The following FHIT variants were observed in gnomAD, a reference collection of about 807,000 sequenced individuals.
FHIT encodes the protein bis(5'-adenosyl)-triphosphatase.
Under a neutral mutation model 17.9 loss-of-function variants are expected in FHIT, and 19 were observed. That is an observed-to-expected ratio of 1.06 (90% CI 0.74 to 1.56). The LOEUF is 1.56. Among genes scored for constraint, FHIT ranks in the 40% most tolerant of loss-of-function variants. The pLI is 0.00. For synonymous variants in FHIT, 81 were observed against 69.7 expected, an observed-to-expected ratio of 1.16 and a Z score of -0.81; for missense variants, 248 against 189.2, an observed-to-expected ratio of 1.31 and a Z score of -1.82.
At chr3:60,648,987 G>A (rs552641100) in intron 4 of FHIT, among the ~76,000 whole-genome samples, 12 of 152,288 alleles carry the variant, frequency 7.9e-5, no homozygotes, top group African/African-American at 2.9e-4. Flanking sequence ...GTTTATGTAA[G>A]TATATATACC....
At chr3:60,082,011 G>C (rs958400150) in intron 5 of FHIT, among the ~76,000 whole-genome samples, 2 of 151,936 alleles carry the variant, frequency 1.3e-5, no homozygotes, top group Non-Finnish European at 2.9e-5. Flanking sequence ...TGCACATGTG[G>C]GTTTGTTCCA....
chr3:61,238,402 C>T (rs975059266), intron 1 of FHIT, among the ~76,000 whole-genome samples: 1 of 152,308 alleles, frequency 6.6e-6, no homozygotes, highest in Admixed American at 6.5e-5. Context: ...ATCACTCACC[C>T]TGCATAAGGA....
chr3:60,740,466 A>G (rs2042219472), intron 4 of FHIT, among the ~76,000 whole-genome samples: 1 of 152,228 alleles, frequency 6.6e-6, no homozygotes, highest in South Asian at 2.1e-4. Flanking sequence ...CAAAAATTGT[A>G]AGAACAATAG....
At chr3:61,124,126 C>A (rs922520542) in intron 2 of FHIT, among the ~76,000 whole-genome samples, 1 of 152,142 alleles carries the variant, frequency 6.6e-6, no homozygotes, top group Non-Finnish European at 1.5e-5. Context: ...GGCACACAGA[C>A]ATAACAAGTC....
intron 5 of FHIT, 138 bp from the exon 6 acceptor site, chr3:60,014,290 A>C (rs1575887527): frequency 5.3e-6 from 4 of 757,206 alleles, no homozygotes. Context: ...ACAGATATTT[A>C]CCATCCACTG....
At chr3:60,957,394 CACCT>C (rs780589682) in intron 3 of FHIT, among the ~76,000 whole-genome samples, 5 of 151,994 alleles carry the variant, frequency 3.3e-5, no homozygotes, top group Non-Finnish European at 7.4e-5. Context: ...CGTGCCACCA[CACCT>C]GGCTAATTTA....
At chr3:60,392,108 T>C (rs992476000) in intron 5 of FHIT, among the ~76,000 whole-genome samples, 1 of 152,200 alleles carries the variant, frequency 6.6e-6, no homozygotes, top group Non-Finnish European at 1.5e-5. Flanking sequence ...GATTTCAAAC[T>C]TTTCTTCCAT....
chr3:61,238,027 C>A (rs2040275668), intron 1 of FHIT, among the ~76,000 whole-genome samples: 2 of 152,170 alleles, frequency 1.3e-5, no homozygotes, highest in Non-Finnish European at 2.9e-5. Flanking sequence ...ATGAGTCACA[C>A]CTCATTTTGT....
intron 5 of FHIT, among the ~76,000 whole-genome samples, chr3:60,056,630 A>G (rs967288798): frequency 6.6e-6 from 1 of 152,196 alleles, no homozygotes; most frequent in Non-Finnish European, 1.5e-5. Context: ...AAATGATGCC[A>G]CCACCGGTCT....
intron 8 of FHIT, among the ~76,000 whole-genome samples, chr3:59,854,734 A>G (rs1702082224): frequency 6.6e-6 from 1 of 152,210 alleles, no homozygotes; most frequent in Non-Finnish European, 1.5e-5. Flanking sequence ...ACCGAGGTCC[A>G]GGAAACTCTA....
chr3:61,176,878 T>G (rs923451608), intron 2 of FHIT, among the ~76,000 whole-genome samples: 8 of 152,064 alleles, frequency 5.3e-5, no homozygotes, highest in Non-Finnish European at 8.8e-5. Context: ...AAAGAGATCT[T>G]GAAAGAAAGG....
intron 5 of FHIT, among the ~76,000 whole-genome samples, chr3:60,156,780 T>G (rs1029540660): frequency 6.6e-6 from 1 of 152,114 alleles, no homozygotes; most frequent in Non-Finnish European, 1.5e-5. Context: ...GCAAAATGTT[T>G]GAGGATTTTA....
At chr3:60,136,392 A>G (rs184733217) in intron 5 of FHIT, among the ~76,000 whole-genome samples, 155 of 152,186 alleles carry the variant, frequency 1.0e-3, no homozygotes, top group Non-Finnish European at 1.9e-3. Context: ...TGCAAACCCA[A>G]CTTAAATTTC....
chr3:60,445,110 T>G (rs950272437), intron 5 of FHIT, among the ~76,000 whole-genome samples: 8 of 152,036 alleles, frequency 5.3e-5, no homozygotes, highest in South Asian at 2.1e-4. Context: ...TACTCTAAAA[T>G]ATGGTAATCA....
At chr3:60,058,207 C>G (rs569632718) in intron 5 of FHIT, among the ~76,000 whole-genome samples, 7 of 130,182 alleles carry the variant, frequency 5.4e-5, no homozygotes, top group East Asian at 2.4e-4. Context: ...TGGCTCGACT[C>G]GATCTCGGCT....
intron 5 of FHIT, chr3:60,535,839 C>T (rs371180895): frequency 5.9e-4 from 88 of 148,216 alleles, no homozygotes; most frequent in African/African-American, 2.1e-3. Flanking sequence ...ACAATAGTTA[C>T]GTGGCTAGAA....
At chr3:60,180,220 C>T (rs868247633) in intron 5 of FHIT, among the ~76,000 whole-genome samples, 12 of 152,144 alleles carry the variant, frequency 7.9e-5, no homozygotes, top group South Asian at 2.1e-4. Flanking sequence ...AGATCACGGG[C>T]AGCAAAGTGA....
At chr3:59,898,206 T>C (rs1301652192) in intron 8 of FHIT, among the ~76,000 whole-genome samples, 1 of 152,212 alleles carries the variant, frequency 6.6e-6, no homozygotes, top group Non-Finnish European at 1.5e-5. Flanking sequence ...CATACAATTA[T>C]CTTCAGGCTA....
intron 4 of FHIT, among the ~76,000 whole-genome samples, chr3:60,676,807 A>T (rs556827694): frequency 6.6e-6 from 1 of 152,288 alleles, no homozygotes; most frequent in East Asian, 1.9e-4. Flanking sequence ...GTTTCACCAC[A>T]AGAACTCATT....
Sources: gnomAD v4.1 joint callset for allele counts (sites outside exome capture counted in the v4.1 genomes callset) on GRCh38, gnomAD v4.1.1 for gene constraint, MANE v1.5 for transcripts, NCBI Gene and HGNC (gene_info 2026-07-23, HGNC 2026-07-21) for gene names.